Variants in CYP4F11 observed in about 807,000 individuals in gnomAD.
The protein encoded by CYP4F11 is cytochrome P450 family 4 subfamily F member 11, also known as cytochrome P450 4F11.
Under a neutral mutation model 62.2 loss-of-function variants are expected in CYP4F11, and 79 were observed. That is an observed-to-expected ratio of 1.27 (90% CI 1.06 to 1.53). The LOEUF (loss-of-function observed/expected upper bound fraction) is 1.53, where lower values mean the gene tolerates loss of function less well. Among genes scored for constraint, CYP4F11 ranks in the 40% most tolerant of loss-of-function variants. The probability of loss-of-function intolerance (pLI) is 0.00; values close to 1 mark genes in which losing one functional copy is unlikely to be tolerated. For missense variants in CYP4F11, 777 were observed against 680.5 expected, an observed-to-expected ratio of 1.14 and a Z score of -1.58; for synonymous variants, 290 against 263.7, an observed-to-expected ratio of 1.10 and a Z score of -0.97.
At chr19:15,926,032 T>C (rs1446395253) in intron 4 of CYP4F11, among the ~76,000 whole-genome samples, 1 of 151,738 alleles carries the variant, frequency 6.6e-6, no homozygotes, top group Non-Finnish European at 1.5e-5. Flanking sequence ...GGCATGGTGA[T>C]GGGCGCCTAT....
At position 15,923,799 on chromosome 19, in the gene CYP4F11, C is replaced by G; in HGVS notation, c.918+13G>C. 6.2e-7 allele frequency: 1 copy of G among 1,606,564 alleles called. No homozygotes were observed. The highest frequency in any genetic ancestry group is 8.5e-7 in the Non-Finnish European group (1 of 1,174,322). The stretch of plus-strand genomic sequence containing the variant: ...CACTCTATTACTTGAATTCACATCC[C>G]AGAGAAGCCTACCTTGCTCAGCAGA... On this transcript the variant is annotated intron_variant, in intron 6 of 11. Transcript: ENST00000402119.
intron 2 of CYP4F11, 89 bp downstream of exon 2, chr19:15,929,368 C>T (rs1327069537): frequency 1.3e-6 from 2 of 1,541,422 alleles, no homozygotes; most frequent in Admixed American, 3.4e-5. Context: ...CTGGGCCCTG[C>T]AGGGGCCACA....
intron 2 of CYP4F11, chr19:15,927,870 G>T: frequency 4.7e-6 from 1 of 212,944 alleles, no homozygotes; most frequent in Non-Finnish European, 9.3e-6. Context: ...CCCGACAGTT[G>T]TTAACATTCC....
At chr19:15,923,769 A>AT in intron 6 of CYP4F11, 43 bp downstream of exon 6, 1 of 1,582,826 alleles carries the variant, frequency 6.3e-7, no homozygotes, top group South Asian at 1.2e-5. Context: ...AGAGGCATAA[A>AT]TCTCCACTCT....
At chr19:15,925,339 T>G (rs1402631312) in intron 4 of CYP4F11, among the ~76,000 whole-genome samples, 2 of 152,182 alleles carry the variant, frequency 1.3e-5, no homozygotes, top group African/African-American at 4.8e-5. Context: ...CAAAGCCTCA[T>G]GGGGTTATTA....
At position 15,913,821 on chromosome 19, in the gene CYP4F11, T is replaced by A; in HGVS notation, c.1486A>T (p.Thr496Ser). 1 of 1,614,068 alleles carries A rather than the reference T, an allele frequency of 6.2e-7. No homozygotes were observed. The highest frequency in any genetic ancestry group is 8.5e-7 in the Non-Finnish European group (1 of 1,179,994). The change falls in exon 12 of 12, where the codon ACT becomes TCT. Residue 496 changes from threonine (T) to serine (S), a missense_variant. Coordinates refer to ENST00000402119, the MANE Select transcript of CYP4F11 (RefSeq NM_021187.4). ...AGCTCGGGTTTCCTGCGGGGTTCAG[T>A]GTGGGTCGGCAGGATGCGGAAGTGC... ...LLHFRILPTH[T>S]EPRRKPELIL...
chr19:15,934,271 G>GC lies in CYP4F11; in HGVS notation c.137dup (p.Arg47ProfsTer43). 6.2e-7 allele frequency: 1 copy of GC among 1,613,862 alleles called. No individual in the cohort carries two copies. The highest frequency in any genetic ancestry group is 1.1e-5 in the South Asian group (1 of 91,078). ...GGGGTTGAGGAAAACACTGGAGGCG[G>GC]CGGCAGTTGTCATAGAAGGTGTAGG... On this transcript the variant is annotated frameshift_variant, in exon 1 of 12. Transcript: ENST00000402119. LOFTEE classifies it high-confidence loss of function.
intron 7 of CYP4F11, 33 bp downstream of exon 7, chr19:15,922,331 G>A (rs369120848): frequency 1.2e-6 from 2 of 1,612,958 alleles, no homozygotes; most frequent in African/African-American, 1.3e-5. Context: ...AGAGGCCCCT[G>A]TCCCCACCGT....
intron 8 of CYP4F11, among the ~76,000 whole-genome samples, chr19:15,917,772 C>A (rs1350677996): frequency 6.6e-6 from 1 of 152,098 alleles, no homozygotes; most frequent in African/African-American, 2.4e-5. Context: ...AAGATGATCT[C>A]TTCCACAAAA....
Position 15,922,038 on chromosome 19 carries a change from A to C in CYP4F11, c.1114T>G (p.Trp372Gly). Residue 372 changes from tryptophan to glycine, a missense_variant and splice_region_variant, in exon 8 of 12, where the codon TGG becomes GGG. Coordinates refer to ENST00000402119, the MANE Select transcript of CYP4F11 (RefSeq NM_021187.4). ...LKDREPIEIE[W>G]DDLAQLPFLT... ...GAACAGGCCAGCACCTGCACTCACC[A>C]TTCAATCTCTATAGGTTCACGGTCC... is the stretch of plus-strand genomic sequence containing the variant. 1 of 1,602,608 alleles carries C rather than the reference A, an allele frequency of 6.2e-7. No individual in the cohort carries two copies. The highest frequency in any genetic ancestry group is 8.5e-7 in the Non-Finnish European group (1 of 1,174,738).
At chr19:15,924,698 C>T in intron 5 of CYP4F11, 63 bp downstream of exon 5, 2 of 1,580,630 alleles carry the variant, frequency 1.3e-6, no homozygotes, top group South Asian at 1.1e-5. Flanking sequence ...GGTCAGCCAT[C>T]CTTTTCCAGC....
chr19:15,927,702 C>T (rs2089681348), intron 2 of CYP4F11: 1 of 598,258 alleles, frequency 1.7e-6, no homozygotes, highest in Admixed American at 3.0e-5. Flanking sequence ...CATGCCCCAG[C>T]ACACAGTGAC....
In CYP4F11 at chr19:15,915,028, A is replaced by T. The variant is rs2089572928; in HGVS notation, c.1116-133T>A. On this transcript the variant is annotated intron_variant, in intron 8 of 11. Transcript: ENST00000402119. The stretch of plus-strand genomic sequence containing the variant: ...ACATGGATGAAATACTGGAGAATTT[A>T]AAAAGCAGAAAAAAATTAGAAAAGC... The T allele has an allele frequency of 2.1e-6, 3 of 1,407,374 alleles. No homozygotes were observed. In the African/African-American group the frequency reaches 4.4e-5, roughly 21 times the overall value. The allele number at this position is 1,407,374 out of a possible 1,614,324, so 87.2% of individuals were successfully genotyped here. A position where few individuals can be genotyped will look rare whatever the true frequency, so the allele number is the denominator to read the frequency against.
At chr19:15,933,945 G>C (rs113807635) in intron 1 of CYP4F11, among the ~76,000 whole-genome samples, 39 of 130,412 alleles carry the variant, frequency 3.0e-4, no homozygotes, top group African/African-American at 9.5e-4. Flanking sequence ...AGTGAGCGGG[G>C]AGAGGAATGA....
At chr19:15,931,684 GGAGAGGAATGAGTGAGCGA>G (rs2089726219) in intron 1 of CYP4F11, among the ~76,000 whole-genome samples, 3 of 67,070 alleles carry the variant, frequency 4.5e-5, no homozygotes, top group Non-Finnish European at 5.4e-5. Flanking sequence ...GAGTGAGCGA[GGAGAGGAATGAGTGAGCGA>G]GGAGAGGAAT....
chr19:15,933,999 AGTGG>A lies in CYP4F11; in HGVS notation c.198+208_198+211del, dbSNP rs1489472939. On this transcript the variant is annotated intron_variant, in intron 1 of 11. Coordinates refer to ENST00000402119, the MANE Select transcript of CYP4F11 (RefSeq NM_021187.4). ...GAGTGAGCGGGGAGAGGAATGAGTGAGTGGGCAGAGGAATGAGTGAGTGGGCAGA... is the reference window on the plus strand; with the variant it reads ...GAGTGAGCGGGGAGAGGAATGAGTGAGCAGAGGAATGAGTGAGTGGGCAGA... 4.3e-3 allele frequency among the ~76,000 whole-genome samples: 491 copies of A among 114,192 alleles called. 5 individuals are homozygous for A. Among genetic ancestry groups the A allele is most frequent in the East Asian group, 9.6e-3 (21 of 2,190 alleles). The allele number at this position is 114,192 out of a possible 152,430, so 74.9% of individuals were successfully genotyped here. A position where few individuals can be genotyped will look rare whatever the true frequency, so the allele number is the denominator to read the frequency against.
intron 4 of CYP4F11, 83 bp from the exon 5 acceptor site, chr19:15,924,965 C>T: frequency 6.9e-7 from 1 of 1,453,794 alleles, no homozygotes; most frequent in Non-Finnish European, 9.2e-7. Flanking sequence ...GATGGACTCC[C>T]TGCAATCATC....
chr19:15,914,041 A>T, intron 11 of CYP4F11, 132 bp from the exon 12 acceptor site: 1 of 1,210,460 alleles, frequency 8.3e-7, no homozygotes. Flanking sequence ...ATAAGTGTCC[A>T]CAGGACTCCC....
Position 15,924,891 on chromosome 19 carries a change from A to G in CYP4F11, c.526-9T>C. On this transcript the variant is annotated splice_polypyrimidine_tract_variant and intron_variant, in intron 4 of 11. Coordinates refer to ENST00000402119, the MANE Select transcript of CYP4F11 (RefSeq NM_021187.4). ...AGGCGCTGCCACTTGTCCTGGCCAGAGAAAAAACAGAGCCAAAGCTGGGAA... is the reference window on the plus strand; with the variant it reads ...AGGCGCTGCCACTTGTCCTGGCCAGGGAAAAAACAGAGCCAAAGCTGGGAA... 1 of 1,605,106 alleles carries G rather than the reference A, an allele frequency of 6.2e-7. No homozygotes were observed. The highest frequency in any genetic ancestry group is 8.5e-7 in the Non-Finnish European group (1 of 1,175,476).
Sources: gnomAD v4.1 joint callset for allele counts (sites outside exome capture counted in the v4.1 genomes callset) on GRCh38, gnomAD v4.1.1 for gene constraint, MANE v1.5 for transcripts, NCBI Gene and HGNC (gene_info 2026-07-23, HGNC 2026-07-21) for gene names.